The following ROR2 variants were observed in gnomAD, a reference collection of about 807,000 sequenced individuals.
ROR2 encodes the protein ROR family WNT receptor 2, also known as tyrosine-protein kinase transmembrane receptor ROR2.
Under a neutral mutation model 74.9 loss-of-function variants are expected in ROR2, and 33 were observed. That is an observed-to-expected ratio of 0.44 (90% confidence interval 0.33 to 0.59). ROR2 has a LOEUF of 0.59. Among genes scored for constraint, ROR2 ranks in the 20% least tolerant of loss-of-function variants. The probability of loss-of-function intolerance (pLI) is 0.02; values close to 1 mark genes in which losing one functional copy is unlikely to be tolerated. For missense variants in ROR2, 1,216 were observed against 1,313.8 expected (o/e 0.93, Z 1.15); for synonymous variants, 586 against 558.7 (o/e 1.05, Z -0.69).
intron 1 of ROR2, among the ~76,000 whole-genome samples, chr9:91,947,350 T>C (rs992285182): frequency 6.6e-6 from 1 of 152,214 alleles, no homozygotes; most frequent in African/African-American, 2.4e-5. Flanking sequence ...CTTTATGAAG[T>C]GGACATGAGA....
intron 1 of ROR2, among the ~76,000 whole-genome samples, chr9:91,923,277 T>G (rs1035085849): frequency 6.6e-6 from 1 of 152,218 alleles, no homozygotes; most frequent in African/African-American, 2.4e-5. Flanking sequence ...CTATCTCCAC[T>G]GTCCAGTGTG....
intron 1 of ROR2, among the ~76,000 whole-genome samples, chr9:91,796,436 GAAAA>G (rs907750118): frequency 3.4e-5 from 3 of 87,698 alleles, no homozygotes; most frequent in African/African-American, 3.7e-5. Flanking sequence ...TTGTCCCAAG[GAAAA>G]AAAAAAAAAA....
chr9:91,919,136 A>C (rs1831208733), intron 1 of ROR2, among the ~76,000 whole-genome samples: 1 of 152,246 alleles, frequency 6.6e-6, no homozygotes, highest in African/African-American at 2.4e-5. Context: ...ATACTACATG[A>C]TAAATATACT....
chr9:91,924,081 T>C (rs1266009386), intron 1 of ROR2, among the ~76,000 whole-genome samples: 1 of 152,262 alleles, frequency 6.6e-6, no homozygotes, highest in African/African-American at 2.4e-5. Flanking sequence ...GCTGATTCTT[T>C]CCTGCTCTCC....
chr9:91,738,110 G>A (rs1282387806), intron 4 of ROR2, among the ~76,000 whole-genome samples: 2 of 152,162 alleles, frequency 1.3e-5, no homozygotes, highest in Admixed American at 6.5e-5. Flanking sequence ...AAAACCCATA[G>A]AAGGTAAAAC....
chr9:91,870,936 TAAGTAAAAACATAAACGC>T (rs1422963773), intron 1 of ROR2, among the ~76,000 whole-genome samples: 2 of 152,256 alleles, frequency 1.3e-5, no homozygotes, highest in African/African-American at 2.4e-5. Flanking sequence ...GAGTTCACAT[TAAGTAAAAACATAAACGC>T]AAAGAACTGC....
chr9:91,790,883 T>C (rs1826949829), intron 1 of ROR2, among the ~76,000 whole-genome samples: 1 of 152,244 alleles, frequency 6.6e-6, no homozygotes, highest in South Asian at 2.1e-4. Context: ...TAAGAAAGCT[T>C]CTAGAATAAA....
intron 1 of ROR2, among the ~76,000 whole-genome samples, chr9:91,843,453 A>C (rs1458697909): frequency 6.6e-6 from 1 of 152,232 alleles, no homozygotes; most frequent in Non-Finnish European, 1.5e-5. Flanking sequence ...CCGACATAAT[A>C]CGTCCTTCCT....
At chr9:91,762,230 A>C (rs1029164122) in intron 2 of ROR2, among the ~76,000 whole-genome samples, 1 of 152,184 alleles carries the variant, frequency 6.6e-6, no homozygotes, top group African/African-American at 2.4e-5. Context: ...CACTGGGCCT[A>C]CCCGGATAAG....
chr9:91,886,511 C>G (rs1830278226), intron 1 of ROR2, among the ~76,000 whole-genome samples: 1 of 150,362 alleles, frequency 6.7e-6, no homozygotes, highest in South Asian at 2.1e-4. Context: ...CACGGCGCGG[C>G]AGCCCCTCCG....
At chr9:91,755,275 A>G (rs1825711401) in intron 4 of ROR2, among the ~76,000 whole-genome samples, 1 of 152,224 alleles carries the variant, frequency 6.6e-6, no homozygotes, top group Non-Finnish European at 1.5e-5. Flanking sequence ...TAATGGGTAC[A>G]AGGCCCAGGG....
At chr9:91,899,355 CACTTAT>C (rs1473300291) in intron 1 of ROR2, among the ~76,000 whole-genome samples, 1 of 152,190 alleles carries the variant, frequency 6.6e-6, no homozygotes, top group Admixed American at 6.5e-5. Context: ...CAGGACCCAG[CACTTAT>C]ACCATGTGTG....
At chr9:91,885,823 A>G (rs1830252006) in intron 1 of ROR2, among the ~76,000 whole-genome samples, 1 of 151,618 alleles carries the variant, frequency 6.6e-6, no homozygotes, top group Non-Finnish European at 1.5e-5. Flanking sequence ...TGAACTGTGA[A>G]TATTTTATAT....
In ROR2 at chr9:91,722,701, CAG is replaced by C. The variant is rs1836843456; in HGVS notation, c.*959_*960del. 11 of 748,478 alleles carry C rather than the reference CAG, an allele frequency of 1.5e-5. No individual in the cohort carries two copies. The highest frequency in any genetic ancestry group is 2.8e-5 in the South Asian group (2 of 71,036). The allele number at this position is 748,478 out of a possible 1,614,324, so 46.4% of individuals were successfully genotyped here. Reference sequence around the variant, plus strand: ...CGGCTGCCTGTGGGTCTGTGTGTAACAGGGGCTGTAAAATGAATGGACCTCAT... The same window carrying C: ...CGGCTGCCTGTGGGTCTGTGTGTAACGGGCTGTAAAATGAATGGACCTCAT... On this transcript the variant is annotated 3_prime_UTR_variant, in exon 9 of 9. Coordinates refer to ENST00000375708, the MANE Select transcript of ROR2 (RefSeq NM_004560.4).
intron 1 of ROR2, among the ~76,000 whole-genome samples, chr9:91,880,872 G>A (rs1830088254): frequency 6.6e-6 from 1 of 152,192 alleles, no homozygotes; most frequent in Non-Finnish European, 1.5e-5. Flanking sequence ...AGTGAATCCT[G>A]CTGCTCAAAG....
chr9:91,749,014 GA>G (rs2055120218), intron 4 of ROR2, among the ~76,000 whole-genome samples: 1 of 152,102 alleles, frequency 6.6e-6, no homozygotes, highest in South Asian at 2.1e-4. Flanking sequence ...CAACAAGAGC[GA>G]AACTCCGTCT....
chr9:91,735,232 C>G (rs1300460228), intron 5 of ROR2, among the ~76,000 whole-genome samples: 1 of 152,236 alleles, frequency 6.6e-6, no homozygotes, highest in African/African-American at 2.4e-5. Flanking sequence ...TGTTATCTGT[C>G]CACACCCTGA....
chr9:91,908,842 A>C (rs950846406), intron 1 of ROR2, among the ~76,000 whole-genome samples: 11 of 152,200 alleles, frequency 7.2e-5, no homozygotes, highest in Admixed American at 5.9e-4. Flanking sequence ...CTTAAAATGT[A>C]AACACCTTAT....
At chr9:91,890,816 T>C (rs1271862421) in intron 1 of ROR2, among the ~76,000 whole-genome samples, 1 of 152,230 alleles carries the variant, frequency 6.6e-6, no homozygotes, top group Non-Finnish European at 1.5e-5. Context: ...CTGAAGATCT[T>C]TGAAAGAATC....
Sources: gnomAD v4.1 joint callset for allele counts (sites outside exome capture counted in the v4.1 genomes callset) on GRCh38, gnomAD v4.1.1 for gene constraint, MANE v1.5 for transcripts, NCBI Gene and HGNC (gene_info 2026-07-23, HGNC 2026-07-21) for gene names.